CNOT2: variants seen among roughly 807,000 people sequenced by gnomAD.
CNOT2 encodes the protein CCR4-NOT transcription complex subunit 2.
CNOT2 carries 7 observed loss-of-function variants against 72.1 expected under a neutral mutation model. The observed-to-expected ratio is 0.10, with a 90% CI of 0.06 to 0.18. CNOT2 has a LOEUF of 0.18. CNOT2 is among the 10% of genes least tolerant of loss of function. The pLI is 1.00. For missense variants in CNOT2, 345 were observed against 660.3 expected, an observed-to-expected ratio of 0.52 and a Z score of 5.23; for synonymous variants, 196 against 225.6, an observed-to-expected ratio of 0.87 and a Z score of 1.17.
chr12:70,247,596 T>A (rs981191910), intron 1 of CNOT2, among the ~76,000 whole-genome samples: 1 of 152,248 alleles, frequency 6.6e-6, no homozygotes, highest in African/African-American at 2.4e-5. Context: ...TCTTCATAAA[T>A]CTTTCCTGAC....
At chr12:70,245,038 T>C (rs1334721764) in intron 1 of CNOT2, among the ~76,000 whole-genome samples, 1 of 152,206 alleles carries the variant, frequency 6.6e-6, no homozygotes, top group Non-Finnish European at 1.5e-5. Context: ...CAACAGTTCT[T>C]TCCAAACGTC....
chr12:70,271,175 A>G (rs191317450), intron 1 of CNOT2, among the ~76,000 whole-genome samples: 181 of 152,266 alleles, frequency 1.2e-3, no homozygotes, highest in African/African-American at 4.1e-3. Context: ...CAAGATGGAT[A>G]TAGTAGCTCT....
chr12:70,330,830 A>C (rs940717622), intron 6 of CNOT2: 5 of 167,662 alleles, frequency 3.0e-5, no homozygotes, highest in Non-Finnish European at 6.3e-5. Flanking sequence ...GACTATTACT[A>C]CTTTGCTTTA....
intron 11 of CNOT2, among the ~76,000 whole-genome samples, chr12:70,339,732 A>G (rs977603965): frequency 1.5e-4 from 23 of 152,256 alleles, no homozygotes; most frequent in African/African-American, 5.3e-4. Flanking sequence ...ACACTTCTGC[A>G]TGCCCCTAAT....
chr12:70,309,536 A>T (rs1018367864), intron 2 of CNOT2, among the ~76,000 whole-genome samples: 1 of 152,152 alleles, frequency 6.6e-6, no homozygotes, highest in Middle Eastern at 3.2e-3. Context: ...CACCACGTCT[A>T]CTGATATGTA....
intron 1 of CNOT2, chr12:70,243,835 A>G (rs1320731979): frequency 6.6e-6 from 1 of 150,952 alleles, no homozygotes; most frequent in African/African-American, 2.4e-5. Context: ...CCCAGACTCC[A>G]CTCCCCTAGG....
Position 70,247,099 on chromosome 12 carries a change from A to G in CNOT2, c.-96+3619A>G, listed in dbSNP as rs542921937. 3.3e-5 allele frequency among the ~76,000 whole-genome samples: 5 copies of G among 151,998 alleles called. No individual in the cohort carries two copies. In the East Asian group the frequency reaches 9.7e-4, roughly 29 times the overall value. ...ATGCGTAGACTCAGGATCTAAGTCCACTTAGATATATAGTTAGATATTTTG... is the reference window on the plus strand; with the variant it reads ...ATGCGTAGACTCAGGATCTAAGTCCGCTTAGATATATAGTTAGATATTTTG... On this transcript the variant is annotated intron_variant, in intron 1 of 15. Transcript: ENST00000229195.
At chr12:70,302,349 A>G (rs959713511) in intron 2 of CNOT2, among the ~76,000 whole-genome samples, 1 of 150,894 alleles carries the variant, frequency 6.6e-6, no homozygotes, top group Non-Finnish European at 1.5e-5. Flanking sequence ...TCTTGTGGGC[A>G]TTTAGTGCTA....
chr12:70,256,144 A>C (rs1593040990), intron 1 of CNOT2, among the ~76,000 whole-genome samples: 2 of 152,182 alleles, frequency 1.3e-5, no homozygotes, highest in East Asian at 3.8e-4. Context: ...TATGATGAAG[A>C]AGGCTTTTAT....
intron 1 of CNOT2, among the ~76,000 whole-genome samples, chr12:70,249,647 A>T (rs932253986): frequency 1.3e-5 from 2 of 152,076 alleles, no homozygotes. Flanking sequence ...AATCAAATTG[A>T]TGCAGAAGTT....
chr12:70,270,038 C>T (rs1019284798), intron 1 of CNOT2, among the ~76,000 whole-genome samples: 2 of 152,094 alleles, frequency 1.3e-5, no homozygotes, highest in African/African-American at 4.8e-5. Flanking sequence ...CCATAGAGAA[C>T]AATTGGCAAA....
intron 2 of CNOT2, among the ~76,000 whole-genome samples, chr12:70,302,442 C>T (rs534128587): frequency 6.6e-6 from 1 of 151,766 alleles, no homozygotes; most frequent in East Asian, 1.9e-4. Context: ...TTTCAAAGAA[C>T]ATCTTTATTT....
chr12:70,335,304 C>A, intron 7 of CNOT2, 134 bp from the exon 8 acceptor site: 1 of 611,482 alleles, frequency 1.6e-6, no homozygotes, highest in South Asian at 2.1e-5. Flanking sequence ...TGAGCACCTA[C>A]ATACACCTAG....
At chr12:70,281,099 T>TC (rs916533096) in intron 2 of CNOT2, among the ~76,000 whole-genome samples, 2 of 147,264 alleles carry the variant, frequency 1.4e-5, no homozygotes, top group African/African-American at 5.0e-5. Flanking sequence ...TTTTTTTTTT[T>TC]CTTTTTTTTT....
Position 70,339,016 on chromosome 12 carries a change from G to A in CNOT2, c.1178+194G>A, listed in dbSNP as rs924329407. Reference sequence around the variant, plus strand: ...TTCCTTTTATAATTTGGCATTTTATGTGTGTGTGTGTGTGTGTGTGTGTGT... The same window carrying A: ...TTCCTTTTATAATTTGGCATTTTATATGTGTGTGTGTGTGTGTGTGTGTGT... On this transcript the variant is annotated intron_variant, in intron 11 of 15. Transcript: ENST00000229195. Among the ~76,000 whole-genome samples, 20 of 52,290 alleles carry A rather than the reference G, an allele frequency of 3.8e-4. No homozygotes were observed. The Admixed American group carries it at 4.3e-3, about 11-fold the overall frequency. The allele number at this position is 52,290 out of a possible 152,430, so 34.3% of individuals were successfully genotyped here.
At position 70,329,978 on chromosome 12, in the gene CNOT2, A is replaced by G. The variant is rs1879683523; in HGVS notation, c.387-309A>G. On this transcript the variant is annotated intron_variant, in intron 5 of 15. Coordinates refer to ENST00000229195, the MANE Select transcript of CNOT2 (RefSeq NM_014515.7). ...TATACATTTAGTATGCAGAGGATAGAACGATATGCCATTGAAATGAAATTA... is the reference window on the plus strand; with the variant it reads ...TATACATTTAGTATGCAGAGGATAGGACGATATGCCATTGAAATGAAATTA... Among the ~76,000 whole-genome samples the G allele has an allele frequency of 2.6e-5, 4 of 152,002 alleles. No homozygotes were observed. The South Asian group carries it at 8.3e-4, about 31-fold the overall frequency.
intron 1 of CNOT2, among the ~76,000 whole-genome samples, chr12:70,269,232 G>C (rs1384407115): frequency 6.7e-6 from 1 of 149,848 alleles, no homozygotes; most frequent in African/African-American, 2.5e-5. Flanking sequence ...AGACTACAAT[G>C]TATCTCTGAA....
chr12:70,351,960 C>G (rs1028639191), intron 15 of CNOT2, among the ~76,000 whole-genome samples: 4 of 152,090 alleles, frequency 2.6e-5, no homozygotes, highest in Admixed American at 1.3e-4. Flanking sequence ...ATTACTGTAC[C>G]AGTCACATGA....
intron 15 of CNOT2, among the ~76,000 whole-genome samples, chr12:70,351,062 A>G (rs1232657882): frequency 6.6e-6 from 1 of 152,210 alleles, no homozygotes; most frequent in African/African-American, 2.4e-5. Context: ...AGTTGTCTAA[A>G]AAGTATTTGG....
Sources: allele counts gnomAD v4.1 joint callset (sites outside exome capture counted in the v4.1 genomes callset), GRCh38; gene constraint gnomAD v4.1.1; transcripts MANE v1.5; gene names NCBI Gene and HGNC (gene_info 2026-07-23, HGNC 2026-07-21).